Variants in TNRC18 observed in about 807,000 individuals in gnomAD.
The protein encoded by TNRC18 is trinucleotide repeat-containing gene 18 protein.
TNRC18 carries 69 observed loss-of-function variants against 226.7 expected under a neutral mutation model. That is an observed-to-expected ratio of 0.30 (90% CI 0.25 to 0.37). TNRC18 has a LOEUF of 0.37. TNRC18 is among the 10% of genes least tolerant of loss of function. TNRC18 has a pLI of 1.00. For synonymous variants in TNRC18, 2,449 were observed against 1,927.6 expected (o/e 1.27, Z -7.09); for missense variants, 4,754 against 4,256.6 (o/e 1.12, Z -3.25).
intron 15 of TNRC18, among the ~76,000 whole-genome samples, chr7:5,359,057 T>C (rs1398727169): frequency 6.6e-6 from 1 of 152,212 alleles, no homozygotes; most frequent in Non-Finnish European, 1.5e-5. Context: ...CATTAAACTA[T>C]TACACCATTA....
Position 5,375,121 on chromosome 7 carries a change from A to G in TNRC18, c.2800-637T>C, listed in dbSNP as rs183720925. 9.1e-4 allele frequency among the ~76,000 whole-genome samples: 138 copies of G among 151,824 alleles called. 1 individual carries two copies. The highest frequency in any genetic ancestry group is 3.0e-3 in the African/African-American group (125 of 41,232). On this transcript the variant is annotated intron_variant, in intron 9 of 29. Coordinates refer to ENST00000430969, the MANE Select transcript of TNRC18 (RefSeq NM_001080495.3). ...GGCCAGGAAGACCAGCCTGGCCAAC[A>G]TGGCGAAACCCCATCTCTACTAAAA...
chr7:5,399,422 A>C (rs757860538), intron 2 of TNRC18, among the ~76,000 whole-genome samples: 1 of 152,208 alleles, frequency 6.6e-6, no homozygotes, highest in Non-Finnish European at 1.5e-5. Flanking sequence ...GTCAAAACCT[A>C]AAACACACAC....
chr7:5,358,309 T>C lies in TNRC18; in HGVS notation c.4834-1033A>G, dbSNP rs1046156931. Among the ~76,000 whole-genome samples, 5 of 152,204 alleles carry C rather than the reference T, an allele frequency of 3.3e-5. No individual in the cohort carries two copies. In the East Asian group the frequency reaches 7.7e-4, roughly 23 times the overall value. On this transcript the variant is annotated intron_variant, in intron 15 of 29. Transcript: ENST00000430969. Reference sequence around the variant, plus strand: ...AGCGAAACACGCAGTTTCAAAGCCATTAATGCCCCAGGTTTGAACATTTTA... The same window carrying C: ...AGCGAAACACGCAGTTTCAAAGCCACTAATGCCCCAGGTTTGAACATTTTA...
At position 5,359,500 on chromosome 7, in the gene TNRC18, C is replaced by T. The variant is rs768475806; in HGVS notation, c.4731G>A (p.Lys1577=). The T allele has an allele frequency of 4.3e-6, 7 of 1,613,902 alleles. No homozygotes were observed. The highest frequency in any genetic ancestry group is 1.7e-5 in the Admixed American group (1 of 59,996). Residue 1577 remains lysine, a synonymous_variant, in exon 15 of 30, where the codon AAG becomes AAA. Transcript: ENST00000430969. ...ELGAGIRKRH[K]GSEEEHDALI... ...GGGCATCATGTTCCTCCTCAGACCC[C>T]TTGTGTCTCTTTCTTATCCCTGCTC...
Position 5,377,312 on chromosome 7 carries a change from A to ACCCCCCCCCCCC in TNRC18, c.2461+58_2461+59insGGGGGGGGGGGG. The ACCCCCCCCCCCC allele has an allele frequency of 3.9e-6, 5 of 1,295,716 alleles. No homozygotes were observed. Among genetic ancestry groups the ACCCCCCCCCCCC allele is most frequent in the Non-Finnish European group, 4.2e-6 (4 of 951,898 alleles). 80.3% of individuals were successfully genotyped at this position (1,295,716 alleles called of 1,614,324 possible). ...AGCCAGCCCTGAGCTCTTGTCCTGCACCCGCCCCCTCCCACCCCTCCCTCA... is the reference window on the plus strand; with the variant it reads ...AGCCAGCCCTGAGCTCTTGTCCTGCACCCCCCCCCCCCCCCGCCCCCTCCCACCCCTCCCTCA... On this transcript the variant is annotated intron_variant, in intron 7 of 29. Transcript: ENST00000430969. The surrounding 1 kb of genome is among the most constrained non-coding windows in gnomAD (Gnocchi z 5.8).
intron 11 of TNRC18, among the ~76,000 whole-genome samples, chr7:5,363,552 C>T (rs920409448): frequency 3.9e-5 from 6 of 152,086 alleles, no homozygotes; most frequent in East Asian, 1.9e-4. Flanking sequence ...TGCAGTAAGC[C>T]GAGATGGCGC....
intron 2 of TNRC18, among the ~76,000 whole-genome samples, chr7:5,416,309 G>C (rs1782185058): frequency 6.6e-6 from 1 of 151,846 alleles, no homozygotes. Flanking sequence ...CAGCTACTCG[G>C]GAGGCTGAGG....
intron 21 of TNRC18, 70 bp from the exon 22 acceptor site, chr7:5,321,260 ACCC>A (rs1788325730): frequency 8.7e-7 from 1 of 1,148,214 alleles, no homozygotes; most frequent in South Asian, 1.4e-5. Flanking sequence ...TCCTCCCGTT[ACCC>A]CCAAGTCATC....
chr7:5,309,156 C>T lies in TNRC18; in HGVS notation c.8601G>A (p.Pro2867=), dbSNP rs374119604. 245 of 1,611,280 alleles carry T rather than the reference C, an allele frequency of 1.5e-4. No individual in the cohort carries two copies. The highest frequency in any genetic ancestry group is 1.9e-4 in the Non-Finnish European group (229 of 1,179,314). Residue 2867 remains proline, a synonymous_variant, in exon 28 of 30, where the codon CCG becomes CCA. Coordinates refer to ENST00000430969, the MANE Select transcript of TNRC18 (RefSeq NM_001080495.3). The surrounding 1 kb of genome is among the most constrained non-coding windows in gnomAD (Gnocchi z 5.7). The part of the protein sequence containing the change: ...KWFYHPEETS[P]GKQFHQGQHW... ...CCTGGCCCTGGTGGAACTGCTTGCCCGGGCTGGTCTCCTCGGGGTGGTAGA... is the reference window on the plus strand; with the variant it reads ...CCTGGCCCTGGTGGAACTGCTTGCCTGGGCTGGTCTCCTCGGGGTGGTAGA...
At chr7:5,409,924 G>T (rs1159014277) in intron 2 of TNRC18, among the ~76,000 whole-genome samples, 1 of 149,822 alleles carries the variant, frequency 6.7e-6, no homozygotes, top group Non-Finnish European at 1.5e-5. Flanking sequence ...CCGGGAGGTG[G>T]AGCTTGCAGT....
intron 2 of TNRC18, among the ~76,000 whole-genome samples, chr7:5,395,466 G>A (rs1246897438): frequency 4.6e-5 from 7 of 152,352 alleles, no homozygotes; most frequent in Middle Eastern, 3.4e-3. Context: ...GCCCACATCG[G>A]ACAGGGTGCC....
chr7:5,407,539 G>A (rs903295546), intron 2 of TNRC18: 1 of 152,244 alleles, frequency 6.6e-6, no homozygotes, highest in African/African-American at 2.4e-5. Context: ...TGGGATCACA[G>A]CACCAGCCGG....
intron 2 of TNRC18, among the ~76,000 whole-genome samples, chr7:5,400,446 T>C (rs1475882813): frequency 1.3e-5 from 2 of 151,808 alleles, no homozygotes; most frequent in Non-Finnish European, 2.9e-5. Flanking sequence ...TCCGTCTCTA[T>C]TTAAAATACA....
chr7:5,377,819 C>A lies in TNRC18; in HGVS notation c.2255+103G>T, dbSNP rs968108774. On this transcript the variant is annotated intron_variant, in intron 6 of 29. Transcript: ENST00000430969. This position sits in a 1 kb window ranked among gnomAD's most constrained non-coding sequence, Gnocchi z 5.8. The stretch of plus-strand genomic sequence containing the variant: ...ACTCCCGCTCTCAGTACCATAGCAT[C>A]CATGGTCGAGGGGCCAAGCCCACCT... 2.5e-6 allele frequency: 3 copies of A among 1,181,498 alleles called. No individual in the cohort carries two copies. The African/African-American group carries it at 4.5e-5, about 18-fold the overall frequency. The allele number at this position is 1,181,498 out of a possible 1,614,324, so 73.2% of individuals were successfully genotyped here. A position where few individuals can be genotyped will look rare whatever the true frequency, so the allele number is the denominator to read the frequency against.
chr7:5,382,912 G>C (rs73673122), intron 5 of TNRC18, among the ~76,000 whole-genome samples: 26,727 of 151,972 alleles, frequency 0.18, 4,041 homozygotes, highest in African/African-American at 0.41. Flanking sequence ...CTATTTTTGG[G>C]GTGGGGGCAG....
chr7:5,391,874 T>A (rs1277169244), intron 3 of TNRC18, among the ~76,000 whole-genome samples: 1 of 149,240 alleles, frequency 6.7e-6, no homozygotes, highest in African/African-American at 2.5e-5. Flanking sequence ...TTTTTTTTTT[T>A]AAAGGGCACA....
chr7:5,312,632 C>G lies in TNRC18; in HGVS notation c.8259G>C (p.Glu2753Asp). The G allele has an allele frequency of 6.2e-6, 10 of 1,610,222 alleles. No homozygotes were observed. The highest frequency in any genetic ancestry group is 8.5e-6 in the Non-Finnish European group (10 of 1,179,136). Residue 2753 changes from glutamate (E) to aspartate (D), a missense_variant, in exon 27 of 30, where the codon GAG (glutamate) becomes GAC (aspartate). By Grantham distance (45) the Glu-to-Asp change is conservative. Coordinates refer to ENST00000430969, the MANE Select transcript of TNRC18 (RefSeq NM_001080495.3). The surrounding 1 kb of genome is among the most constrained non-coding windows in gnomAD (Gnocchi z 6.3). ...AGAKSRPKKR[E>D]GVHLPTTKEL... ...CCTTGGTGGTGGGGAGGTGGACGCC[C>G]TCTCTCTTCTTGGGTCGGCTCTTGG...
intron 10 of TNRC18, 78 bp downstream of exon 10, chr7:5,373,977 G>A (rs1478265008): frequency 1.0e-5 from 12 of 1,192,250 alleles, no homozygotes; most frequent in Non-Finnish European, 1.4e-5. Flanking sequence ...CGATCGAACG[G>A]GTCAATGAAA....
chr7:5,367,480 G>A (rs1793727707), intron 11 of TNRC18, among the ~76,000 whole-genome samples: 3 of 151,258 alleles, frequency 2.0e-5, no homozygotes, highest in Admixed American at 1.3e-4. Context: ...CAGGCTGGAG[G>A]GCAGTGGTAC....
Sources: allele counts gnomAD v4.1 joint callset (sites outside exome capture counted in the v4.1 genomes callset), GRCh38; gene constraint gnomAD v4.1.1; non-coding constraint Gnocchi (gnomAD v3.1); transcripts MANE v1.5; gene names NCBI Gene and HGNC (gene_info 2026-07-23, HGNC 2026-07-21).